The following NPSR1 variants were observed in gnomAD, a reference collection of about 807,000 sequenced individuals.
NPSR1 encodes the protein neuropeptide S receptor.
In NPSR1, 48 loss-of-function variants were observed where a neutral mutation model predicts 46.9. The observed-to-expected ratio is 1.02, with a 90% CI of 0.81 to 1.30. The LOEUF is 1.30. Among genes scored for constraint, NPSR1 ranks in the 50% most tolerant of loss-of-function variants. NPSR1 has a pLI of 0.00. For synonymous variants in NPSR1, 176 were observed against 168.1 expected (o/e 1.05, Z -0.36); for missense variants, 450 against 449.5 (o/e 1.00, Z -0.01).
intron 2 of NPSR1, chr7:34,758,043 C>T (rs1276034472): frequency 1.3e-5 from 2 of 152,784 alleles, no homozygotes; most frequent in Non-Finnish European, 2.9e-5. Context: ...CCCAGCTCCC[C>T]TCCATACTAA....
rs766798710 is a variant in NPSR1, at chr7:34,678,324, C to T, written c.148-6228C>T. 7.0e-4 allele frequency among the ~76,000 whole-genome samples: 104 copies of T among 148,780 alleles called. 1 individual carries two copies. Among genetic ancestry groups the T allele is most frequent in the South Asian group, 6.4e-4 (3 of 4,712 alleles). Reference sequence around the variant, plus strand: ...GCAACCTCCGCCTCCCGGGTTCAAGCGATTCTCCTGGCTCAGCCTCCCGAG... The same window carrying T: ...GCAACCTCCGCCTCCCGGGTTCAAGTGATTCTCCTGGCTCAGCCTCCCGAG... On this transcript the variant is annotated intron_variant, in intron 1 of 8. Coordinates refer to ENST00000360581, the MANE Select transcript of NPSR1 (RefSeq NM_207172.2).
chr7:34,717,874 T>G (rs926890615), intron 2 of NPSR1, among the ~76,000 whole-genome samples: 2 of 152,186 alleles, frequency 1.3e-5, no homozygotes, highest in African/African-American at 4.8e-5. Flanking sequence ...ATCAGACAAG[T>G]CAAATCGCTG....
At chr7:34,754,180 A>G (rs562864616) in intron 2 of NPSR1, among the ~76,000 whole-genome samples, 1 of 152,236 alleles carries the variant, frequency 6.6e-6, no homozygotes, top group Non-Finnish European at 1.5e-5. Flanking sequence ...TAGGTGGTCA[A>G]CTGGACACAG....
intron 4 of NPSR1, among the ~76,000 whole-genome samples, chr7:34,819,006 T>C (rs1789405315): frequency 6.6e-6 from 1 of 152,156 alleles, no homozygotes; most frequent in African/African-American, 2.4e-5. Flanking sequence ...GACATAGGCA[T>C]GGGCAAAGAC....
At position 34,786,129 on chromosome 7, in the gene NPSR1, A is replaced by G. The variant is rs537587652; in HGVS notation, c.384+7564A>G. ...TTTGATAGCATTTTACCCAGAGTAGAACTTCTTTCAAAATTGGAGTCAATT... is the reference window on the plus strand; with the variant it reads ...TTTGATAGCATTTTACCCAGAGTAGGACTTCTTTCAAAATTGGAGTCAATT... On this transcript the variant is annotated intron_variant, in intron 3 of 8. Transcript: ENST00000360581. 3.9e-5 allele frequency among the ~76,000 whole-genome samples: 6 copies of G among 152,306 alleles called. No homozygotes were observed. In the East Asian group the frequency reaches 1.2e-3, roughly 29 times the overall value.
chr7:34,693,492 C>T (rs1341603615), intron 2 of NPSR1, among the ~76,000 whole-genome samples: 39 of 152,034 alleles, frequency 2.6e-4, no homozygotes, highest in Non-Finnish European at 1.5e-5. Flanking sequence ...AAAATCACAT[C>T]AGTAATAAAA....
chr7:34,848,500 A>C lies in NPSR1; in HGVS notation c.862A>C (p.Ser288Arg), dbSNP rs2128765047. 1 of 1,614,114 alleles carries C rather than the reference A, an allele frequency of 6.2e-7. No individual in the cohort carries two copies. The highest frequency in any genetic ancestry group is 8.5e-7 in the Non-Finnish European group (1 of 1,179,990). Residue 288 changes from serine (S) to arginine (R), a missense_variant, in exon 8 of 9, where the codon AGT (serine) becomes CGT (arginine). Physicochemically the swap from Ser to Arg is moderately radical, Grantham distance 110. Coordinates refer to ENST00000360581, the MANE Select transcript of NPSR1 (RefSeq NM_207172.2). Reference protein sequence around the residue: ...IIILAFICCWSPYFLFDILDN... With the variant: ...IIILAFICCWRPYFLFDILDN... ...TCCCCCAGCCTTCATCTGCTGTTGG[A>C]GTCCATACTTCCTGTTTGACATTTT...
Position 34,792,689 on chromosome 7 carries a change from G to GTATATATATATGTATATATATATATT in NPSR1, c.384+14134_384+14135insTGTATATATATATATTTATATATATA, listed in dbSNP as rs1489386225. Among the ~76,000 whole-genome samples, 7 of 74,316 alleles carry GTATATATATATGTATATATATATATT rather than the reference G, an allele frequency of 9.4e-5. No homozygotes were observed. In the South Asian group the frequency reaches 1.8e-3, roughly 19 times the overall value. 48.8% of individuals were successfully genotyped at this position (74,316 alleles called of 152,430 possible). On this transcript the variant is annotated intron_variant, in intron 3 of 8. Coordinates refer to ENST00000360581, the MANE Select transcript of NPSR1 (RefSeq NM_207172.2). Reference sequence around the variant, plus strand: ...TTTATATATATGTATATATATATATGTATATATATACGTATATATATATAT... The same window carrying GTATATATATATGTATATATATATATT: ...TTTATATATATGTATATATATATATGTATATATATATGTATATATATATATTTATATATATACGTATATATATATAT...
At chr7:34,769,862 G>A (rs982287054) in intron 2 of NPSR1, among the ~76,000 whole-genome samples, 1 of 152,210 alleles carries the variant, frequency 6.6e-6, no homozygotes, top group Non-Finnish European at 1.5e-5. Context: ...AAAAGCAAGA[G>A]TAATACATGG....
intron 1 of NPSR1, among the ~76,000 whole-genome samples, chr7:34,673,103 A>T (rs1171405173): frequency 6.6e-6 from 1 of 152,140 alleles, no homozygotes; most frequent in Non-Finnish European, 1.5e-5. Flanking sequence ...CTCACATAAC[A>T]GTCTCTCTAG....
chr7:34,700,299 C>A (rs1015877434), intron 2 of NPSR1, among the ~76,000 whole-genome samples: 5 of 152,272 alleles, frequency 3.3e-5, no homozygotes, highest in African/African-American at 7.2e-5. Flanking sequence ...TAGTATAACT[C>A]AGTGCAACGA....
chr7:34,814,825 C>G (rs775461714), intron 4 of NPSR1, among the ~76,000 whole-genome samples: 15 of 152,318 alleles, frequency 9.8e-5, no homozygotes, highest in Middle Eastern at 3.4e-3. Flanking sequence ...GCTGAGGGAC[C>G]TGACTGTTAC....
intron 1 of NPSR1, among the ~76,000 whole-genome samples, chr7:34,663,514 C>T (rs1301225262): frequency 6.6e-6 from 1 of 152,188 alleles, no homozygotes; most frequent in Non-Finnish European, 1.5e-5. Context: ...CTGGTCCCTA[C>T]ACAGTAAGTG....
intron 4 of NPSR1, among the ~76,000 whole-genome samples, chr7:34,825,943 A>G (rs1789813549): frequency 6.6e-6 from 1 of 152,156 alleles, no homozygotes; most frequent in African/African-American, 2.4e-5. Context: ...AAGCCCACCT[A>G]GGGAGAAAAG....
intron 3 of NPSR1, 48 bp from the exon 4 acceptor site, chr7:34,811,722 T>C: frequency 7.5e-7 from 1 of 1,337,016 alleles, no homozygotes; most frequent in Non-Finnish European, 1.1e-6. Context: ...TTATGTGCCT[T>C]CCCTCACCTC....
At chr7:34,685,016 T>C (rs1308698918) in intron 2 of NPSR1, among the ~76,000 whole-genome samples, 1 of 152,218 alleles carries the variant, frequency 6.6e-6, no homozygotes, top group Non-Finnish European at 1.5e-5. Flanking sequence ...TCCTGCATTA[T>C]AAGCTTAAGG....
At chr7:34,791,093 T>C (rs1470213853) in intron 3 of NPSR1, among the ~76,000 whole-genome samples, 80 of 115,788 alleles carry the variant, frequency 6.9e-4, no homozygotes, top group Admixed American at 2.3e-3. Flanking sequence ...ATGTTATATA[T>C]ATTATATATA....
chr7:34,764,785 G>A (rs1328113212), intron 2 of NPSR1, among the ~76,000 whole-genome samples: 1 of 152,138 alleles, frequency 6.6e-6, no homozygotes, highest in Non-Finnish European at 1.5e-5. Flanking sequence ...TCTCTCATAT[G>A]CAACACCCAT....
intron 2 of NPSR1, chr7:34,752,021 C>T (rs1785563764): frequency 2.6e-6 from 2 of 758,274 alleles, no homozygotes; most frequent in South Asian, 2.9e-5. Flanking sequence ...CCTGCTGGGC[C>T]AGCCGGTAGT....
Sources: allele counts gnomAD v4.1 joint callset (sites outside exome capture counted in the v4.1 genomes callset), GRCh38; gene constraint gnomAD v4.1.1; transcripts MANE v1.5; gene names NCBI Gene and HGNC (gene_info 2026-07-23, HGNC 2026-07-21).